The following MCU variants were observed in gnomAD, a reference collection of about 807,000 sequenced individuals.
MCU encodes the protein calcium uniporter protein, mitochondrial.
In MCU, 12 loss-of-function variants were observed where a neutral mutation model predicts 45.2. The ratio of observed to expected loss-of-function variants is 0.27; its 90% confidence interval spans 0.17 to 0.43. The LOEUF (loss-of-function observed/expected upper bound fraction) is 0.43. MCU is among the 20% of genes least tolerant of loss of function. The pLI is 1.00. For synonymous variants in MCU, 160 were observed against 165.1 expected, an observed-to-expected ratio of 0.97 and a Z score of 0.24; for missense variants, 324 against 436.7, an observed-to-expected ratio of 0.74 and a Z score of 2.30.
At chr10:72,814,538 C>G (rs1844596206) in intron 1 of MCU, among the ~76,000 whole-genome samples, 1 of 152,016 alleles carries the variant, frequency 6.6e-6, no homozygotes, top group African/African-American at 2.4e-5. Flanking sequence ...CTCTTCCTTT[C>G]TTTTTTGAAA....
At chr10:72,712,373 A>G (rs532855477) in intron 1 of MCU, 88 of 152,318 alleles carry the variant, frequency 5.8e-4, no homozygotes, top group African/African-American at 2.0e-3. Flanking sequence ...CTTGTACAAG[A>G]TACAGAGCAG....
chr10:72,695,537 C>T lies in MCU; in HGVS notation c.150+3236C>T, dbSNP rs1326544603. 4.6e-5 allele frequency among the ~76,000 whole-genome samples: 7 copies of T among 152,232 alleles called. No homozygotes were observed. In the East Asian group the frequency reaches 1.3e-3, roughly 29 times the overall value. On this transcript the variant is annotated intron_variant, in intron 1 of 7. Coordinates refer to ENST00000373053, the MANE Select transcript of MCU (RefSeq NM_138357.3). ...TGTAGCTGAATTTCAGCCTTTATCA[C>T]CCCTAATCACTCCTCTAGCCTTTAA... is the stretch of plus-strand genomic sequence containing the variant.
chr10:72,697,426 ATTTTTTTTTTTTT>A (rs1001610262), intron 1 of MCU, among the ~76,000 whole-genome samples: 1 of 64,126 alleles, frequency 1.6e-5, no homozygotes, highest in South Asian at 5.2e-4. Context: ...CCAGACTTCT[ATTTTTTTTTTTTT>A]TTTTTTTTTT....
chr10:72,772,229 G>C (rs950922498), intron 1 of MCU, among the ~76,000 whole-genome samples: 1 of 152,186 alleles, frequency 6.6e-6, no homozygotes, highest in Non-Finnish European at 1.5e-5. Flanking sequence ...GCTGTAGGAG[G>C]TATGTTCCAT....
At chr10:72,828,212 G>T (rs966624117) in intron 1 of MCU, among the ~76,000 whole-genome samples, 1 of 152,134 alleles carries the variant, frequency 6.6e-6, no homozygotes, top group Non-Finnish European at 1.5e-5. Context: ...ATTCCATGTT[G>T]TGCTAAGGGA....
intron 6 of MCU, among the ~76,000 whole-genome samples, chr10:72,883,102 T>A (rs916373218): frequency 3.9e-5 from 6 of 152,182 alleles, no homozygotes; most frequent in Non-Finnish European, 8.8e-5. Flanking sequence ...AATGTTATGC[T>A]AAGTGAAAGA....
In MCU at chr10:72,808,000, A is replaced by G. The variant is rs549891241; in HGVS notation, c.151-26359A>G. ...AACATGAAATAGGAAAATTTATAGC[A>G]GTCTATTGACAAGCTTATTTTACTT... On this transcript the variant is annotated intron_variant, in intron 1 of 7. Coordinates refer to ENST00000373053, the MANE Select transcript of MCU (RefSeq NM_138357.3). Among the ~76,000 whole-genome samples, 338 of 152,362 alleles carry G rather than the reference A, an allele frequency of 2.2e-3. 3 individuals carry two copies. Among genetic ancestry groups the G allele is most frequent in the Non-Finnish European group, 3.6e-3 (245 of 68,038 alleles).
intron 2 of MCU, among the ~76,000 whole-genome samples, chr10:72,839,881 G>A (rs1461614269): frequency 1.3e-5 from 2 of 150,446 alleles, no homozygotes; most frequent in East Asian, 2.0e-4. Flanking sequence ...GGGGAATGGC[G>A]TGAACCCAGG....
intron 1 of MCU, among the ~76,000 whole-genome samples, chr10:72,722,534 T>A (rs77983748): frequency 1.9e-4 from 28 of 150,754 alleles, no homozygotes; most frequent in Non-Finnish European, 3.8e-4. Context: ...TTTTTTTTTT[T>A]AACATGCAAC....
intron 4 of MCU, among the ~76,000 whole-genome samples, chr10:72,862,704 G>A (rs751157219): frequency 1.3e-5 from 2 of 152,072 alleles, no homozygotes; most frequent in Admixed American, 1.3e-4. Flanking sequence ...GTACTGGTTC[G>A]CACCCCAGGG....
At chr10:72,768,425 A>T (rs192060254) in intron 1 of MCU, among the ~76,000 whole-genome samples, 139 of 152,330 alleles carry the variant, frequency 9.1e-4, no homozygotes, top group African/African-American at 3.2e-3. Flanking sequence ...TTCATGTTAG[A>T]ATTCCAGTAA....
In MCU at chr10:72,778,197, T is replaced by C. The variant is rs150844911; in HGVS notation, c.151-56162T>C. On this transcript the variant is annotated intron_variant, in intron 1 of 7. Coordinates refer to ENST00000373053, the MANE Select transcript of MCU (RefSeq NM_138357.3). Reference sequence around the variant, plus strand: ...GGGTATATAGCCAAAAGAAAGATAATCAATATTTTTAAGGGTTATCTGCAC... The same window carrying C: ...GGGTATATAGCCAAAAGAAAGATAACCAATATTTTTAAGGGTTATCTGCAC... 3.8e-3 allele frequency among the ~76,000 whole-genome samples: 580 copies of C among 152,216 alleles called. 1 individual carries two copies. Among genetic ancestry groups the C allele is most frequent in the Non-Finnish European group, 4.7e-3 (321 of 68,014 alleles).
At chr10:72,712,564 T>C (rs1010854339) in intron 1 of MCU, among the ~76,000 whole-genome samples, 2 of 152,174 alleles carry the variant, frequency 1.3e-5, no homozygotes, top group African/African-American at 2.4e-5. Context: ...ATCTGCTTTA[T>C]TTTGTAAAAG....
At chr10:72,857,916 C>A (rs1845317369) in intron 2 of MCU, among the ~76,000 whole-genome samples, 3 of 152,164 alleles carry the variant, frequency 2.0e-5, no homozygotes, top group Admixed American at 1.3e-4. Flanking sequence ...AAATCTTAAA[C>A]ATCTGAGTTT....
At chr10:72,702,830 T>G (rs994211613) in intron 1 of MCU, among the ~76,000 whole-genome samples, 3 of 151,886 alleles carry the variant, frequency 2.0e-5, no homozygotes, top group Admixed American at 6.6e-5. Context: ...AATACAAAAA[T>G]TAGCTGGGTG....
At chr10:72,695,592 A>T (rs1386620512) in intron 1 of MCU, among the ~76,000 whole-genome samples, 2 of 152,204 alleles carry the variant, frequency 1.3e-5, no homozygotes, top group Non-Finnish European at 2.9e-5. Context: ...ACTGTGATGT[A>T]CAATTCCTTT....
chr10:72,705,948 A>T lies in MCU; in HGVS notation c.150+13647A>T, dbSNP rs1042285957. ...CAGTGAGCCGAGATCAAACCACAAC[A>T]CTCCAGCCTGGGCAACAGAGCAAGA... On this transcript the variant is annotated intron_variant, in intron 1 of 7. Transcript: ENST00000373053. 2.6e-5 allele frequency among the ~76,000 whole-genome samples: 4 copies of T among 151,912 alleles called. No individual in the cohort carries two copies. In the East Asian group the frequency reaches 5.8e-4, roughly 22 times the overall value.
intron 1 of MCU, among the ~76,000 whole-genome samples, chr10:72,737,564 G>A (rs1843268313): frequency 6.6e-6 from 1 of 151,292 alleles, no homozygotes; most frequent in East Asian, 1.9e-4. Context: ...CTATTGCCTG[G>A]GTTGGATTGA....
At chr10:72,731,236 CTTTT>C (rs1245815382) in intron 1 of MCU, 1 of 152,082 alleles carries the variant, frequency 6.6e-6, no homozygotes, top group East Asian at 1.9e-4. Context: ...CTGCCTTATT[CTTTT>C]TAAGTGGCCA....
Sources: allele counts gnomAD v4.1 joint callset (sites outside exome capture counted in the v4.1 genomes callset), GRCh38; gene constraint gnomAD v4.1.1; transcripts MANE v1.5; gene names NCBI Gene and HGNC (gene_info 2026-07-23, HGNC 2026-07-21).